Variants in PPP1R14C observed in about 807,000 individuals in gnomAD.
The protein encoded by PPP1R14C is protein phosphatase 1 regulatory inhibitor subunit 14C, also known as protein phosphatase 1 regulatory subunit 14C.
PPP1R14C carries 16 observed loss-of-function variants against 20.4 expected under a neutral mutation model. The ratio of observed to expected loss-of-function variants is 0.78; its 90% CI spans 0.53 to 1.19. The LOEUF is 1.19. Among genes scored for constraint, PPP1R14C ranks in the 50% most tolerant of loss-of-function variants. The pLI is 0.00. For missense variants in PPP1R14C, 211 were observed against 220.1 expected (o/e 0.96, Z 0.26); for synonymous variants, 91 against 91.0 (o/e 1.00, Z 0.00).
chr6:150,177,566 C>T (rs940968621), intron 1 of PPP1R14C, among the ~76,000 whole-genome samples: 1 of 152,172 alleles, frequency 6.6e-6, no homozygotes, highest in African/African-American at 2.4e-5. Context: ...TGTTCCTTTC[C>T]CCCCTCAGTC....
At chr6:150,177,078 C>T (rs1323667499) in intron 1 of PPP1R14C, among the ~76,000 whole-genome samples, 1 of 152,178 alleles carries the variant, frequency 6.6e-6, no homozygotes, top group Non-Finnish European at 1.5e-5. Context: ...GCCCTGGTTC[C>T]TGAGAGATGT....
intron 1 of PPP1R14C, among the ~76,000 whole-genome samples, chr6:150,174,164 C>A (rs570367458): frequency 2.8e-4 from 42 of 151,110 alleles, no homozygotes; most frequent in South Asian, 2.3e-3. Flanking sequence ...CACATACTTA[C>A]CATTTTCTAA....
At chr6:150,180,008 C>T (rs917962405) in intron 1 of PPP1R14C, among the ~76,000 whole-genome samples, 3 of 152,160 alleles carry the variant, frequency 2.0e-5, no homozygotes, top group Non-Finnish European at 4.4e-5. Context: ...TTGAGACCAG[C>T]CTGGCCAACA....
At chr6:150,230,278 C>A (rs1778278968) in intron 3 of PPP1R14C, among the ~76,000 whole-genome samples, 1 of 152,182 alleles carries the variant, frequency 6.6e-6, no homozygotes, top group African/African-American at 2.4e-5. Flanking sequence ...CTGCTAATGT[C>A]AGGCTTTTTG....
chr6:150,242,096 C>T (rs1376971775), intron 3 of PPP1R14C, among the ~76,000 whole-genome samples: 1 of 151,828 alleles, frequency 6.6e-6, no homozygotes, highest in African/African-American at 2.4e-5. Context: ...TTCAAAACCT[C>T]CCCTCAAACA....
At chr6:150,197,818 CTT>C (rs1230947774) in intron 1 of PPP1R14C, among the ~76,000 whole-genome samples, 35 of 144,122 alleles carry the variant, frequency 2.4e-4, no homozygotes, top group East Asian at 6.5e-4. Flanking sequence ...TGCCCCTGCC[CTT>C]CACGGTGGAG....
chr6:150,216,676 T>C, intron 2 of PPP1R14C, 148 bp from the exon 3 acceptor site: 1 of 612,302 alleles, frequency 1.6e-6, no homozygotes, highest in Admixed American at 3.4e-5. Flanking sequence ...CAACTGGTGC[T>C]GAAATGAAGT....
At chr6:150,197,702 C>A (rs936731004) in intron 1 of PPP1R14C, among the ~76,000 whole-genome samples, 22 of 151,410 alleles carry the variant, frequency 1.5e-4, no homozygotes, top group Admixed American at 7.2e-4. Context: ...CCTGGATGCC[C>A]GGCTTTGTGT....
Position 150,249,103 on chromosome 6 carries a change from A to G in PPP1R14C, c.*283A>G, listed in dbSNP as rs1200548240. 2.4e-6 allele frequency: 1 copy of G among 416,698 alleles called. No individual in the cohort carries two copies. Among genetic ancestry groups the G allele is most frequent in the African/African-American group, 2.0e-5 (1 of 48,936 alleles). The allele number at this position is 416,698 out of a possible 1,614,324, so 25.8% of individuals were successfully genotyped here. On this transcript the variant is annotated 3_prime_UTR_variant, in exon 4 of 4. Transcript: ENST00000361131. The stretch of plus-strand genomic sequence containing the variant: ...ATCAAAGGAGGTGGACACTCAAGGA[A>G]GGGCCACGCCAGGCTGCGTTTCCTG...
chr6:150,222,592 G>A lies in PPP1R14C; in HGVS notation c.423+5736G>A, dbSNP rs536054003. ...AGTGTCACTGCCCTAACAATCCTCC[G>A]TGCTCTGCCTGTTCATCTCTCCTTC... On this transcript the variant is annotated intron_variant, in intron 3 of 3. Transcript: ENST00000361131. 2.8e-4 allele frequency among the ~76,000 whole-genome samples: 43 copies of A among 152,018 alleles called. 1 individual carries two copies. The highest frequency in any genetic ancestry group is 1.7e-3 in the South Asian group (8 of 4,816).
intron 1 of PPP1R14C, among the ~76,000 whole-genome samples, chr6:150,212,676 C>T (rs2114908700): frequency 6.6e-6 from 1 of 152,326 alleles, no homozygotes. Flanking sequence ...AACCGCATAA[C>T]AGCATTTCAG....
chr6:150,213,396 A>G (rs192150737), intron 1 of PPP1R14C, among the ~76,000 whole-genome samples: 171 of 151,920 alleles, frequency 1.1e-3, no homozygotes, highest in Non-Finnish European at 5.9e-5. Flanking sequence ...GTTGAGTACT[A>G]TTACTGAATA....
intron 1 of PPP1R14C, among the ~76,000 whole-genome samples, chr6:150,174,082 C>T (rs1012362801): frequency 7.7e-6 from 1 of 130,666 alleles, no homozygotes; most frequent in Admixed American, 9.6e-5. Context: ...TTGCAGTGTA[C>T]AGACATGATG....
At position 150,214,815 on chromosome 6, in the gene PPP1R14C, T is replaced by C. The variant is rs758923094; in HGVS notation, c.378T>C (p.Ala126=). 7 of 1,610,068 alleles carry C rather than the reference T, an allele frequency of 4.3e-6. No homozygotes were observed. The Admixed American group carries it at 1.2e-4, about 27-fold the overall frequency. Residue 126 remains alanine, a synonymous_variant, in exon 2 of 4, where the codon GCT becomes GCC. Transcript: ENST00000361131. ...ATGCAGACAGTGATGAAGAGAGAGC[T>C]TCAAAATTACAGGTAAGCAGTTTCC... ...LLDADSDEER[A]SKLQEALVDC... is the part of the protein sequence containing the mutation.
At chr6:150,226,610 T>C (rs1778233400) in intron 3 of PPP1R14C, among the ~76,000 whole-genome samples, 1 of 152,190 alleles carries the variant, frequency 6.6e-6, no homozygotes, top group Non-Finnish European at 1.5e-5. Flanking sequence ...GGGAGTTGTC[T>C]AGTCAATGAG....
At chr6:150,151,684 G>C (rs1387745834) in intron 1 of PPP1R14C, among the ~76,000 whole-genome samples, 1 of 152,192 alleles carries the variant, frequency 6.6e-6, no homozygotes, top group Non-Finnish European at 1.5e-5. Flanking sequence ...TTATGAAGGA[G>C]ATGGTGTTAT....
intron 2 of PPP1R14C, among the ~76,000 whole-genome samples, chr6:150,215,979 G>C (rs369245811): frequency 2.6e-5 from 4 of 152,274 alleles, no homozygotes; most frequent in East Asian, 3.9e-4. Flanking sequence ...GAGGTAAAAA[G>C]TCATTGACCA....
At position 150,248,802 on chromosome 6, in the gene PPP1R14C, G is replaced by T. The variant is rs372465064; in HGVS notation, c.480G>T (p.Pro160=). The T allele has an allele frequency of 2.5e-6, 4 of 1,612,046 alleles. No individual in the cohort carries two copies. In the African/African-American group the frequency reaches 5.3e-5, roughly 22 times the overall value. The change falls in exon 4 of 4, where the codon CCG becomes CCT. Residue 160 remains proline, a synonymous_variant. Coordinates refer to ENST00000361131, the MANE Select transcript of PPP1R14C (RefSeq NM_030949.3). ...GAGGCATGAGGAAACTGAGCCCTCCGCAGAAGAAGAGTGTATGATTCTGGA... is the reference window on the plus strand; with the variant it reads ...GAGGCATGAGGAAACTGAGCCCTCCTCAGAAGAAGAGTGTATGATTCTGGA... ...RIRGMRKLSP[P]QKKSV is the part of the protein sequence containing the mutation.
intron 1 of PPP1R14C, among the ~76,000 whole-genome samples, chr6:150,166,056 G>A (rs969398488): frequency 1.3e-5 from 2 of 151,230 alleles, no homozygotes; most frequent in Non-Finnish European, 2.9e-5. Flanking sequence ...TGTGTCACAT[G>A]CCACATACCG....
Sources: allele counts gnomAD v4.1 joint callset (sites outside exome capture counted in the v4.1 genomes callset), GRCh38; gene constraint gnomAD v4.1.1; transcripts MANE v1.5; gene names NCBI Gene and HGNC (gene_info 2026-07-23, HGNC 2026-07-21).